Variants in ADARB2 observed in about 807,000 individuals in gnomAD.
ADARB2 encodes inactive double-stranded RNA-specific editase B2.
Under a neutral mutation model 62.2 loss-of-function variants are expected in ADARB2, and 25 were observed. The ratio of observed to expected loss-of-function variants is 0.40; its 90% CI spans 0.29 to 0.56. The LOEUF (loss-of-function observed/expected upper bound fraction) is 0.56. Ranked by LOEUF, ADARB2 falls within the 20% of genes least tolerant of loss-of-function variation. ADARB2 has a pLI of 0.43. For missense variants in ADARB2, 1,071 were observed against 1,077.4 expected, an observed-to-expected ratio of 0.99 and a Z score of 0.08; for synonymous variants, 572 against 500.8, an observed-to-expected ratio of 1.14 and a Z score of -1.90.
At chr10:1,464,268 C>T (rs1427300934) in intron 1 of ADARB2, among the ~76,000 whole-genome samples, 1 of 122,616 alleles carries the variant, frequency 8.2e-6, no homozygotes, top group Non-Finnish European at 1.8e-5. Flanking sequence ...GGTGGACACA[C>T]ACTCCCCCAC....
chr10:1,246,908 A>C (rs1490696786), intron 4 of ADARB2, among the ~76,000 whole-genome samples: 3 of 151,888 alleles, frequency 2.0e-5, no homozygotes, highest in African/African-American at 7.3e-5. Context: ...CATTGAATCT[A>C]TAAATTACCT....
rs575301458 is a variant in ADARB2 at position 1,659,351 on chromosome 10, T to C, written c.100+77700A>G. Among the ~76,000 whole-genome samples, 14 of 152,312 alleles carry C rather than the reference T, an allele frequency of 9.2e-5. No individual in the cohort carries two copies. The South Asian group carries it at 1.9e-3, about 20-fold the overall frequency. On this transcript the variant is annotated intron_variant, in intron 1 of 9. Transcript: ENST00000381312. ...TCCTCTGCTGCTCACATCCCCGTCCTGTCTATGAGCTGGGGGAAGGCCGGA... is the reference window on the plus strand; with the variant it reads ...TCCTCTGCTGCTCACATCCCCGTCCCGTCTATGAGCTGGGGGAAGGCCGGA...
At chr10:1,357,852 A>G (rs1832211224) in intron 3 of ADARB2, among the ~76,000 whole-genome samples, 1 of 152,214 alleles carries the variant, frequency 6.6e-6, no homozygotes, top group Non-Finnish European at 1.5e-5. Context: ...AGAGGAGAAA[A>G]CTGAGCCACA....
chr10:1,349,193 C>A (rs1187208115), intron 3 of ADARB2, among the ~76,000 whole-genome samples: 3 of 152,162 alleles, frequency 2.0e-5, no homozygotes, highest in Admixed American at 6.5e-5. Flanking sequence ...CCTGGCTCAT[C>A]CTGGCTCAAA....
chr10:1,409,746 G>C (rs1832741747), intron 1 of ADARB2, among the ~76,000 whole-genome samples: 1 of 125,672 alleles, frequency 8.0e-6, no homozygotes, highest in Admixed American at 8.0e-5. Flanking sequence ...GTGGTGCCGA[G>C]GCCTGGTCGT....
At chr10:1,375,425 C>T (rs951511590) in intron 2 of ADARB2, among the ~76,000 whole-genome samples, 7 of 152,210 alleles carry the variant, frequency 4.6e-5, no homozygotes, top group Non-Finnish European at 7.3e-5. Flanking sequence ...GCCCACTTCC[C>T]GCAGGTATAG....
chr10:1,678,209 T>C, intron 1 of ADARB2: 4 of 984,806 alleles, frequency 4.1e-6, no homozygotes, highest in Non-Finnish European at 4.8e-6. Context: ...TCAGGGTGAG[T>C]GGCCTCAGGG....
intron 6 of ADARB2, among the ~76,000 whole-genome samples, chr10:1,224,964 G>C (rs961244798): frequency 6.6e-6 from 1 of 152,078 alleles, no homozygotes; most frequent in African/African-American, 2.4e-5. Context: ...TAATTCCTGG[G>C]TATCCTTGTT....
At chr10:1,566,867 A>T (rs1832866667) in intron 1 of ADARB2, among the ~76,000 whole-genome samples, 2 of 152,250 alleles carry the variant, frequency 1.3e-5, no homozygotes, top group African/African-American at 4.8e-5. Flanking sequence ...ACATCTGGCT[A>T]AAGCAATTTT....
chr10:1,566,063 C>CAAAAAAAAAAAAAAAAAAAA (rs376967105), intron 1 of ADARB2, among the ~76,000 whole-genome samples: 1 of 128,062 alleles, frequency 7.8e-6, no homozygotes, highest in African/African-American at 3.0e-5. Flanking sequence ...CTCAGTCTAG[C>CAAAAAAAAAAAAAAAAAAAA]AAAAAAAAAA....
At chr10:1,345,384 A>G (rs557001860) in intron 3 of ADARB2, among the ~76,000 whole-genome samples, 37 of 152,328 alleles carry the variant, frequency 2.4e-4, no homozygotes, top group Middle Eastern at 3.4e-3. Context: ...CCAGCTGGCA[A>G]GAGGCAGAGC....
At chr10:1,670,690 C>G (rs1342503770) in intron 1 of ADARB2, among the ~76,000 whole-genome samples, 2 of 152,192 alleles carry the variant, frequency 1.3e-5, no homozygotes. Context: ...CTCAGGGCCT[C>G]GAGGCTCAGA....
At position 1,536,678 on chromosome 10, in the gene ADARB2, A is replaced by G. The variant is rs535224960; in HGVS notation, c.101-157518T>C. ...GACAGGCAAAATGTTCCCAAGAAAA[A>G]TGAGAAAATAAAAATTGCTCTTTTT... On this transcript the variant is annotated intron_variant, in intron 1 of 9. Coordinates refer to ENST00000381312, the MANE Select transcript of ADARB2 (RefSeq NM_018702.4). Among the ~76,000 whole-genome samples, 148 of 152,244 alleles carry G rather than the reference A, an allele frequency of 9.7e-4. 1 individual carries two copies. Among genetic ancestry groups the G allele is most frequent in the Non-Finnish European group, 1.4e-3 (95 of 68,040 alleles).
rs550089561 is a variant in ADARB2, at chr10:1,311,780, G to A, written c.1078-40711C>T. On this transcript the variant is annotated intron_variant, in intron 3 of 9. Coordinates refer to ENST00000381312, the MANE Select transcript of ADARB2 (RefSeq NM_018702.4). ...ATGCTTGTTCCTCAAGCTGGCACCC[G>A]AGCTACCATCTCCGCCCTATGATGA... Among the ~76,000 whole-genome samples, 293 of 152,300 alleles carry A rather than the reference G, an allele frequency of 1.9e-3. 2 individuals are homozygous for A. The highest frequency in any genetic ancestry group is 6.6e-3 in the African/African-American group (273 of 41,570).
intron 1 of ADARB2, among the ~76,000 whole-genome samples, chr10:1,504,020 C>G (rs1396685809): frequency 6.6e-6 from 1 of 152,190 alleles, no homozygotes; most frequent in South Asian, 2.1e-4. Context: ...TTAATACAGG[C>G]CAGAGAGTAG....
intron 2 of ADARB2, among the ~76,000 whole-genome samples, chr10:1,377,072 TGC>T: frequency 7.4e-6 from 1 of 135,924 alleles, no homozygotes; most frequent in Admixed American, 7.3e-5. Context: ...GGGGTGTGTG[TGC>T]GCTCCTGGGG....
At position 1,255,017 on chromosome 10, in the gene ADARB2, T is replaced by C. The variant is rs909611618; in HGVS notation, c.1193-12718A>G. On this transcript the variant is annotated intron_variant, in intron 4 of 9. Transcript: ENST00000381312. The surrounding 1 kb of genome is among the most constrained non-coding windows in gnomAD (Gnocchi z 4.7). ...TTAGTTGTCAGGATAAGCACAGTAA[T>C]CACATACTCATTAATTTCCTTATAA... Among the ~76,000 whole-genome samples, 1 of 152,178 alleles carries C rather than the reference T, an allele frequency of 6.6e-6. No homozygotes were observed. Among genetic ancestry groups the C allele is most frequent in the Non-Finnish European group, 1.5e-5 (1 of 68,032 alleles).
At chr10:1,359,624 G>A (rs1236589985) in intron 3 of ADARB2, among the ~76,000 whole-genome samples, 2 of 152,128 alleles carry the variant, frequency 1.3e-5, no homozygotes, top group Non-Finnish European at 2.9e-5. Context: ...CCACCACAAC[G>A]CTCACCCTTA....
intron 4 of ADARB2, among the ~76,000 whole-genome samples, chr10:1,251,479 T>C (rs1831037468): frequency 6.6e-6 from 1 of 152,194 alleles, no homozygotes; most frequent in African/African-American, 2.4e-5. Flanking sequence ...GAAACTACTC[T>C]GTTTGATGGT....
Sources: gnomAD v4.1 joint callset for allele counts (sites outside exome capture counted in the v4.1 genomes callset) on GRCh38, gnomAD v4.1.1 for gene constraint, Gnocchi (gnomAD v3.1) non-coding constraint, MANE v1.5 for transcripts, NCBI Gene and HGNC (gene_info 2026-07-23, HGNC 2026-07-21) for gene names.